Variants in LRP1B observed in about 807,000 individuals in gnomAD.
LRP1B encodes low-density lipoprotein receptor-related protein 1B.
In LRP1B, 217 loss-of-function variants were observed where a neutral mutation model predicts 556.6. The observed-to-expected ratio is 0.39, with a 90% CI of 0.35 to 0.44. The LOEUF is 0.44. LRP1B is among the 20% of genes least tolerant of loss of function. The pLI, the probability that LRP1B is intolerant of heterozygous loss-of-function variation, is 1.00. For synonymous variants in LRP1B, 2,047 were observed against 1,865.8 expected, an observed-to-expected ratio of 1.10 and a Z score of -2.50; for missense variants, 5,053 against 5,620.8, an observed-to-expected ratio of 0.90 and a Z score of 3.23.
chr2:140,595,498 T>G (rs1248277546), intron 43 of LRP1B, among the ~76,000 whole-genome samples: 1 of 152,098 alleles, frequency 6.6e-6, no homozygotes. Flanking sequence ...CAGATTTAAT[T>G]CCATATCATT....
chr2:142,000,008 C>T (rs1036235356), intron 1 of LRP1B, among the ~76,000 whole-genome samples: 6 of 144,200 alleles, frequency 4.2e-5, no homozygotes, highest in Admixed American at 1.4e-4. Context: ...AATATATATA[C>T]ACATTTATTA....
intron 41 of LRP1B, among the ~76,000 whole-genome samples, chr2:140,635,813 C>T (rs755937878): frequency 1.3e-5 from 2 of 151,984 alleles, no homozygotes; most frequent in African/African-American, 4.8e-5. Flanking sequence ...TAAGAGAAGA[C>T]CATTAAGACA....
intron 2 of LRP1B, among the ~76,000 whole-genome samples, chr2:141,588,245 CT>C (rs34534099): frequency 0.073 from 10,878 of 148,644 alleles, 472 homozygotes; most frequent in African/African-American, 0.11. Context: ...GGACTGGCAG[CT>C]TTTTTTTTTA....
chr2:140,375,504 A>G (rs1303042627), intron 68 of LRP1B, among the ~76,000 whole-genome samples: 6 of 152,146 alleles, frequency 3.9e-5, no homozygotes, highest in East Asian at 1.9e-4. Context: ...TAGAAATCAT[A>G]TATTTTTAGA....
intron 7 of LRP1B, among the ~76,000 whole-genome samples, chr2:141,072,007 A>G (rs35989165): frequency 0.11 from 16,608 of 152,108 alleles, 1,061 homozygotes; most frequent in Non-Finnish European, 0.14. Flanking sequence ...AAACTACTTT[A>G]AAGTTCATAT....
At chr2:140,413,628 A>T (rs977400926) in intron 66 of LRP1B, among the ~76,000 whole-genome samples, 14 of 152,354 alleles carry the variant, frequency 9.2e-5, no homozygotes, top group African/African-American at 3.4e-4. Flanking sequence ...AAAAATATAA[A>T]TCTTAAAACT....
chr2:141,551,063 G>A (rs1260624527), intron 2 of LRP1B, among the ~76,000 whole-genome samples: 2 of 151,930 alleles, frequency 1.3e-5, no homozygotes, highest in Non-Finnish European at 2.9e-5. Context: ...TTATTTTAAA[G>A]CTTCTGTGCT....
chr2:141,448,415 G>A (rs1681279503), intron 3 of LRP1B, among the ~76,000 whole-genome samples: 1 of 152,150 alleles, frequency 6.6e-6, no homozygotes, highest in Non-Finnish European at 1.5e-5. Context: ...CCATACCAGG[G>A]GAGTGAACGA....
At chr2:141,331,477 CTTTG>C (rs1362329449) in intron 3 of LRP1B, among the ~76,000 whole-genome samples, 2 of 142,150 alleles carry the variant, frequency 1.4e-5, no homozygotes, top group African/African-American at 5.4e-5. Context: ...AACTCTTAAT[CTTTG>C]TTTCTTTTCT....
At position 141,077,965 on chromosome 2, in the gene LRP1B, G is replaced by A. The variant is rs1699832589; in HGVS notation, c.1014-15692C>T. The stretch of plus-strand genomic sequence containing the variant: ...TCTCAGAACTTGAGAGCTTCAGGTA[G>A]GAATTTTTTTTTTTTTTTTAACTAT... On this transcript the variant is annotated intron_variant, in intron 7 of 90. Transcript: ENST00000389484. Among the ~76,000 whole-genome samples the A allele has an allele frequency of 3.6e-5, 5 of 138,020 alleles. No individual in the cohort carries two copies. In the South Asian group the frequency reaches 9.0e-4, roughly 25 times the overall value. The allele number at this position is 138,020 out of a possible 152,430, so 90.5% of individuals were successfully genotyped here. A position where few individuals can be genotyped will look rare whatever the true frequency, so the allele number is the denominator to read the frequency against.
intron 89 of LRP1B, 84 bp from the exon 90 acceptor site, chr2:140,234,968 A>G: frequency 1.6e-6 from 1 of 638,932 alleles, no homozygotes; most frequent in Non-Finnish European, 2.9e-6. Context: ...AATTCATAAA[A>G]ATAACATAAA....
At chr2:140,668,309 CAAAAAAAAAAAAAAAAAAAAAAAAAAA>C (rs560180473) in intron 41 of LRP1B, among the ~76,000 whole-genome samples, 703 of 59,704 alleles carry the variant, frequency 0.012, 30 homozygotes, top group African/African-American at 0.048. Flanking sequence ...GACTCCGTCT[CAAAAAAAAAAAAAAAAAAAAAAAAAAA>C]AAAAAAAAAA....
intron 1 of LRP1B, among the ~76,000 whole-genome samples, chr2:141,978,675 T>C (rs1488439307): frequency 6.6e-6 from 1 of 151,970 alleles, no homozygotes; most frequent in African/African-American, 2.4e-5. Context: ...CCCAGTGAGA[T>C]GAGACTGTGT....
In LRP1B at chr2:141,201,604, AATT is replaced by A. The variant is rs550029707; in HGVS notation, c.851-13024_851-13022del. ...TTTTAAGTTATTATTATATTCATAT[AATT>A]ATTACATATGTTTTTATACAAATAA... On this transcript the variant is annotated intron_variant, in intron 6 of 90. Transcript: ENST00000389484. Among the ~76,000 whole-genome samples the A allele has an allele frequency of 5.4e-3, 823 of 152,226 alleles. 3 individuals carry two copies. Among genetic ancestry groups the A allele is most frequent in the Non-Finnish European group, 6.2e-3 (422 of 68,018 alleles).
Position 141,721,438 on chromosome 2 carries a change from C to G in LRP1B, c.205+88841G>C, listed in dbSNP as rs16846973. ...CCTGTCAAGCAGATTGTAAAAAGCCCCTGGAAGAAGGTTGTCAAGATATTA... is the reference window on the plus strand; with the variant it reads ...CCTGTCAAGCAGATTGTAAAAAGCCGCTGGAAGAAGGTTGTCAAGATATTA... On this transcript the variant is annotated intron_variant, in intron 2 of 90. Transcript: ENST00000389484. Among the ~76,000 whole-genome samples the G allele has an allele frequency of 5.3e-5, 8 of 152,082 alleles. 2 individuals carry two copies. The South Asian group carries it at 8.3e-4, about 16-fold the overall frequency.
At chr2:141,993,163 G>A (rs1037080047) in intron 1 of LRP1B, among the ~76,000 whole-genome samples, 2 of 152,024 alleles carry the variant, frequency 1.3e-5, no homozygotes, top group African/African-American at 2.4e-5. Context: ...GAGAGAGCAG[G>A]GGTAGCAAGT....
Position 141,571,115 on chromosome 2 carries a change from A to G in LRP1B, c.206-90582T>C, listed in dbSNP as rs565414135. On this transcript the variant is annotated intron_variant, in intron 2 of 90. Transcript: ENST00000389484. ...CCACCCAACTGGGTGAGACGCTCCA[A>G]CAGGGGTTGTCAGACACCCTATACA... is the stretch of plus-strand genomic sequence containing the variant. 6.6e-5 allele frequency among the ~76,000 whole-genome samples: 10 copies of G among 151,264 alleles called. 1 individual carries two copies. In the South Asian group the frequency reaches 8.4e-4, roughly 13 times the overall value.
At chr2:140,629,340 T>C (rs939097748) in intron 41 of LRP1B, among the ~76,000 whole-genome samples, 2 of 152,040 alleles carry the variant, frequency 1.3e-5, no homozygotes, top group Non-Finnish European at 2.9e-5. Context: ...AGTGTTGGGA[T>C]TACAGGTGTT....
At chr2:141,740,021 A>T (rs998516203) in intron 2 of LRP1B, among the ~76,000 whole-genome samples, 3 of 152,162 alleles carry the variant, frequency 2.0e-5, no homozygotes, top group African/African-American at 7.2e-5. Context: ...ATAATAAAGA[A>T]AAAATAAAAC....
Sources: gnomAD v4.1 joint callset for allele counts (sites outside exome capture counted in the v4.1 genomes callset) on GRCh38, gnomAD v4.1.1 for gene constraint, MANE v1.5 for transcripts, NCBI Gene and HGNC (gene_info 2026-07-23, HGNC 2026-07-21) for gene names.